Variants in PTPRQ observed in about 807,000 individuals in gnomAD.
The protein encoded by PTPRQ is protein tyrosine phosphatase receptor type Q.
A neutral mutation model predicts 246.0 loss-of-function variants in PTPRQ; 199 were observed. The observed-to-expected ratio is 0.81, with a 90% CI of 0.72 to 0.91. The LOEUF (loss-of-function observed/expected upper bound fraction) is 0.91. Among genes scored for constraint, PTPRQ ranks in the 40% least tolerant of loss-of-function variants. PTPRQ has a pLI of 0.00. For synonymous variants in PTPRQ, 869 were observed against 853.2 expected (o/e 1.02, Z -0.32); for missense variants, 2,624 against 2,528.4 (o/e 1.04, Z -0.81).
intron 17 of PTPRQ, among the ~76,000 whole-genome samples, chr12:80,532,596 A>T (rs1895876035): frequency 6.6e-6 from 1 of 152,142 alleles, no homozygotes; most frequent in Non-Finnish European, 1.5e-5. Flanking sequence ...CAATGATAAG[A>T]GTATGGAATT....
Position 80,540,892 on chromosome 12 carries a change from A to G in PTPRQ, c.3155-663A>G, listed in dbSNP as rs190835073. Among the ~76,000 whole-genome samples, 469 of 152,238 alleles carry G rather than the reference A, an allele frequency of 3.1e-3. 3 individuals carry two copies. Among genetic ancestry groups the G allele is most frequent in the African/African-American group, 0.011 (438 of 41,566 alleles). On this transcript the variant is annotated intron_variant, in intron 20 of 44. Coordinates refer to ENST00000644991, the MANE Select transcript of PTPRQ (RefSeq NM_001145026.2). Reference sequence around the variant, plus strand: ...TTTTATCACTTATAATTTCCACACCATGGATAATAAGCACTTACTATGCAC... The same window carrying G: ...TTTTATCACTTATAATTTCCACACCGTGGATAATAAGCACTTACTATGCAC...
At chr12:80,647,502 A>ATATT (rs1190507095) in intron 35 of PTPRQ, among the ~76,000 whole-genome samples, 20 of 152,076 alleles carry the variant, frequency 1.3e-4, no homozygotes, top group Admixed American at 2.0e-4. Context: ...CCTGTAGTTT[A>ATATT]TCTTTCTTTC....
intron 39 of PTPRQ, among the ~76,000 whole-genome samples, chr12:80,663,845 CT>C (rs1291275927): frequency 6.6e-6 from 1 of 151,940 alleles, no homozygotes; most frequent in Non-Finnish European, 1.5e-5. Flanking sequence ...CCAAATCCTT[CT>C]TTCCAGATCA....
intron 43 of PTPRQ, among the ~76,000 whole-genome samples, chr12:80,676,242 C>T (rs1183299298): frequency 6.6e-6 from 1 of 152,174 alleles, no homozygotes; most frequent in East Asian, 1.9e-4. Flanking sequence ...ATATTCCTGT[C>T]TTAGCACATA....
rs114119838 is a variant in PTPRQ, at chr12:80,605,232, C to T, written c.4731+52C>T. 1,857 of 1,517,812 alleles carry T rather than the reference C, an allele frequency of 1.2e-3. 21 individuals carry two copies. The African/African-American group carries it at 0.023, about 19-fold the overall frequency. The allele number at this position is 1,517,812 out of a possible 1,614,324, so 94.0% of individuals were successfully genotyped here. ...AGCCAGTATAAAATGGTTAATAATA[C>T]AAGATTTGGAACCAGACTATTTGAA... On this transcript the variant is annotated intron_variant, in intron 27 of 44. Coordinates refer to ENST00000644991, the MANE Select transcript of PTPRQ (RefSeq NM_001145026.2).
At chr12:80,632,702 G>A (rs1899485478) in intron 34 of PTPRQ, among the ~76,000 whole-genome samples, 2 of 152,144 alleles carry the variant, frequency 1.3e-5, no homozygotes, top group African/African-American at 4.8e-5. Context: ...GACTTACATG[G>A]AATCGCTACT....
At chr12:80,568,977 T>C (rs1296403855) in intron 25 of PTPRQ, among the ~76,000 whole-genome samples, 1 of 152,172 alleles carries the variant, frequency 6.6e-6, no homozygotes. Context: ...TAAACCATAG[T>C]AACAAAAATT....
At chr12:80,475,850 A>C (rs1462460199) in intron 8 of PTPRQ, among the ~76,000 whole-genome samples, 4 of 152,022 alleles carry the variant, frequency 2.6e-5, no homozygotes, top group Non-Finnish European at 5.9e-5. Context: ...AAAAGATAAA[A>C]AATAGTGTCT....
chr12:80,540,682 T>G (rs1896125216), intron 20 of PTPRQ, among the ~76,000 whole-genome samples: 1 of 152,120 alleles, frequency 6.6e-6, no homozygotes, highest in African/African-American at 2.4e-5. Context: ...GAATGCTTGA[T>G]TTGTTGTTGG....
chr12:80,504,748 G>T (rs1013288312), intron 14 of PTPRQ, among the ~76,000 whole-genome samples: 2 of 151,876 alleles, frequency 1.3e-5, no homozygotes, highest in African/African-American at 4.8e-5. Context: ...TTTCTTCAGG[G>T]TACATATAGA....
intron 18 of PTPRQ, 131 bp from the exon 19 acceptor site, chr12:80,534,761 T>G (rs904168923): frequency 1.7e-6 from 2 of 1,152,118 alleles, no homozygotes; most frequent in Non-Finnish European, 1.2e-6. Context: ...ATTTCTGACA[T>G]TTCTAATTCA....
intron 37 of PTPRQ, among the ~76,000 whole-genome samples, chr12:80,651,003 G>A (rs1900240325): frequency 1.3e-5 from 2 of 151,870 alleles, no homozygotes; most frequent in Non-Finnish European, 1.5e-5. Context: ...TTTTAACTCA[G>A]GACATATTCA....
At chr12:80,648,826 T>C (rs1267873137) in intron 35 of PTPRQ, 71 bp from the exon 36 acceptor site, 2 of 1,403,366 alleles carry the variant, frequency 1.4e-6, no homozygotes, top group African/African-American at 3.0e-5. Flanking sequence ...TTTCTGACTT[T>C]AATCTACACT....
intron 8 of PTPRQ, among the ~76,000 whole-genome samples, chr12:80,478,589 G>A (rs1207497834): frequency 1.3e-5 from 2 of 152,066 alleles, no homozygotes; most frequent in East Asian, 3.9e-4. Flanking sequence ...AGCTACAGGA[G>A]GACATTCAAA....
chr12:80,641,725 A>G (rs944341980), intron 35 of PTPRQ, among the ~76,000 whole-genome samples: 1 of 152,212 alleles, frequency 6.6e-6, no homozygotes, highest in African/African-American at 2.4e-5. Context: ...ATTTTCAACC[A>G]GCACTCAAAG....
chr12:80,514,573 A>AAT (rs1300558988), intron 17 of PTPRQ, among the ~76,000 whole-genome samples: 5 of 143,640 alleles, frequency 3.5e-5, no homozygotes, highest in Non-Finnish European at 7.6e-5. Context: ...ATATTATACA[A>AAT]ATATATATAT....
Position 80,679,018 on chromosome 12 carries a change from A to G in PTPRQ, c.6895A>G (p.Met2299Val), listed in dbSNP as rs1901235373. The change falls in exon 45 of 45, where the codon ATG becomes GTG. Residue 2299 changes from methionine (M) to valine (V), a missense_variant. Met to Val is a conservative substitution (Grantham distance 21, BLOSUM62 1). Transcript: ENST00000644991. ...TGAGCTTGAATGGGAAGAAACCACT[A>G]TGTAAATATTCAGACCAAAGGATAC... ...DVELEWEETTM is the reference protein window; with the variant it reads ...DVELEWEETTV 10 of 1,548,008 alleles carry G rather than the reference A, an allele frequency of 6.5e-6. No individual in the cohort carries two copies. The highest frequency in any genetic ancestry group is 1.2e-5 in the South Asian group (1 of 83,360).
In PTPRQ at chr12:80,595,006, T is replaced by C. The variant is rs554925350; in HGVS notation, c.4609+6554T>C. Reference sequence around the variant, plus strand: ...TTAGTAAGTTCTACAAGGTCACTTATGATTTGGTTTATATTTCTCACACAT... The same window carrying C: ...TTAGTAAGTTCTACAAGGTCACTTACGATTTGGTTTATATTTCTCACACAT... On this transcript the variant is annotated intron_variant, in intron 26 of 44. Coordinates refer to ENST00000644991, the MANE Select transcript of PTPRQ (RefSeq NM_001145026.2). Among the ~76,000 whole-genome samples the C allele has an allele frequency of 1.8e-4, 27 of 152,326 alleles. 1 individual carries two copies. In the South Asian group the frequency reaches 2.7e-3, roughly 15 times the overall value.
At chr12:80,597,189 T>G in intron 26 of PTPRQ, among the ~76,000 whole-genome samples, 1 of 151,962 alleles carries the variant, frequency 6.6e-6, no homozygotes, top group Non-Finnish European at 1.5e-5. Flanking sequence ...TGATTTTCAT[T>G]TTTCTTTAAT....
Sources: allele counts gnomAD v4.1 joint callset (sites outside exome capture counted in the v4.1 genomes callset), GRCh38; gene constraint gnomAD v4.1.1; transcripts MANE v1.5; gene names NCBI Gene and HGNC (gene_info 2026-07-23, HGNC 2026-07-21).